INTS6L: variants seen among roughly 807,000 people sequenced by gnomAD.
INTS6L encodes integrator complex subunit 6-like.
In INTS6L, 18 loss-of-function variants were observed where a neutral mutation model predicts 64.7. The ratio of observed to expected loss-of-function variants is 0.28; its 90% CI spans 0.19 to 0.41. INTS6L has a LOEUF of 0.41. INTS6L is among the 10% of genes least tolerant of loss of function. The pLI, the probability that INTS6L is intolerant of heterozygous loss-of-function variation, is 1.00. For synonymous variants in INTS6L, 227 were observed against 235.9 expected (o/e 0.96, Z 0.34); for missense variants, 533 against 661.0 (o/e 0.81, Z 2.12).
At chrX:135,572,576 G>C in intron 11 of INTS6L, 2 of 296,185 alleles carry the variant, frequency 6.8e-6, no homozygotes, top group East Asian at 5.5e-5. Context: ...TTCTCTCCAT[G>C]ATTTTATTAT....
At chrX:135,539,787 G>A (rs2086155742) in intron 2 of INTS6L, among the ~76,000 whole-genome samples, 2 of 111,598 alleles carry the variant, frequency 1.8e-5, no homozygotes, top group African/African-American at 6.5e-5. Flanking sequence ...TCAAGGAATA[G>A]GGAGGCCTGA....
intron 2 of INTS6L, among the ~76,000 whole-genome samples, chrX:135,542,381 C>T: frequency 9.1e-6 from 1 of 109,834 alleles, no homozygotes; most frequent in Non-Finnish European, 1.9e-5. Flanking sequence ...GCTTGTAGTC[C>T]CAGCTACTCA....
At chrX:135,558,516 G>C (rs1329458552) in intron 9 of INTS6L, among the ~76,000 whole-genome samples, 1 of 111,907 alleles carries the variant, frequency 8.9e-6, no homozygotes, top group Non-Finnish European at 1.9e-5. Flanking sequence ...CTTATGCTAA[G>C]TGAAATAAGC....
At chrX:135,550,188 T>C (rs1226155995) in intron 7 of INTS6L, among the ~76,000 whole-genome samples, 1 of 112,519 alleles carries the variant, frequency 8.9e-6, no homozygotes, top group Non-Finnish European at 1.9e-5. Context: ...TCAGGAAGTT[T>C]GAACATAGTT....
At chrX:135,573,675 A>G (rs367900995) in intron 12 of INTS6L, among the ~76,000 whole-genome samples, 1 of 112,494 alleles carries the variant, frequency 8.9e-6, no homozygotes, top group South Asian at 3.7e-4. Flanking sequence ...GTGGTCCTGC[A>G]AGGCGGCCAC....
chrX:135,539,722 G>A (rs1240956168), intron 2 of INTS6L, among the ~76,000 whole-genome samples: 4 of 111,790 alleles, frequency 3.6e-5, no homozygotes, highest in East Asian at 5.6e-4. Flanking sequence ...TCACTTGAAC[G>A]CTTAAGAGTC....
At chrX:135,533,465 A>G (rs185994486) in intron 2 of INTS6L, among the ~76,000 whole-genome samples, 302 of 111,786 alleles carry the variant, frequency 2.7e-3, no homozygotes, top group Non-Finnish European at 4.2e-3. Context: ...AACATGTGCC[A>G]TGGTGGTTTG....
intron 7 of INTS6L, among the ~76,000 whole-genome samples, chrX:135,550,333 A>T (rs970400359): frequency 1.8e-5 from 2 of 112,037 alleles, no homozygotes; most frequent in African/African-American, 6.5e-5. Context: ...AGCAATATTT[A>T]AAAAATAATC....
chrX:135,549,286 T>C (rs368114653), intron 6 of INTS6L, among the ~76,000 whole-genome samples: 2 of 112,618 alleles, frequency 1.8e-5, no homozygotes, highest in East Asian at 2.8e-4. Flanking sequence ...CCTAATTTAG[T>C]AATTGAATTC....
chrX:135,555,514 T>G (rs1217253983), intron 8 of INTS6L, among the ~76,000 whole-genome samples: 2 of 112,266 alleles, frequency 1.8e-5, no homozygotes, highest in Admixed American at 9.4e-5. Flanking sequence ...GAGAAGTTAA[T>G]TTGTTTTAGT....
intron 2 of INTS6L, among the ~76,000 whole-genome samples, chrX:135,523,243 A>C (rs2085637678): frequency 1.9e-5 from 2 of 107,094 alleles, no homozygotes; most frequent in South Asian, 4.0e-4. Context: ...AAAACAAAAC[A>C]AAAAAAAAAA....
At chrX:135,549,921 T>G (rs1158656122) in intron 7 of INTS6L, 116 bp downstream of exon 7, 1 of 817,654 alleles carries the variant, frequency 1.2e-6, no homozygotes, top group Non-Finnish European at 1.8e-6. Flanking sequence ...CAAGTAAGTC[T>G]TCCCTCCTTT....
At position 135,552,034 on chromosome X, in the gene INTS6L, T is replaced by C. The variant is rs1556517205; in HGVS notation, c.947T>C (p.Val316Ala). Reference sequence around the variant, plus strand: ...CATCCTGTTGTGAGGTTCTCCTGTGTAGATTGTGAGCCAATGGTAATAGAC... The same window carrying C: ...CATCCTGTTGTGAGGTTCTCCTGTGCAGATTGTGAGCCAATGGTAATAGAC... Reference protein sequence around the residue: ...TSHPVVRFSCVDCEPMVIDKL... With the variant: ...TSHPVVRFSCADCEPMVIDKL... Residue 316 changes from valine (V) to alanine (A), a missense_variant, in exon 8 of 18, where the codon GTA becomes GCA. By Grantham distance (64) the Val-to-Ala change is moderately conservative. Transcript: ENST00000639893. 2 of 1,207,340 alleles carry C rather than the reference T, an allele frequency of 1.7e-6. No individual in the cohort carries two copies. The highest frequency in any genetic ancestry group is 3.6e-5 in the South Asian group (2 of 55,841).
At chrX:135,523,402 CAAAAAAAAA>C (rs782434658) in intron 2 of INTS6L, among the ~76,000 whole-genome samples, 4 of 36,977 alleles carry the variant, frequency 1.1e-4, no homozygotes, top group African/African-American at 3.6e-4. Flanking sequence ...ACTCTGTCGT[CAAAAAAAAA>C]AAAAAAAAAA....
intron 8 of INTS6L, among the ~76,000 whole-genome samples, chrX:135,553,016 C>T (rs2086543493): frequency 8.9e-6 from 1 of 111,946 alleles, no homozygotes; most frequent in Non-Finnish European, 1.9e-5. Flanking sequence ...CTTAAATTCT[C>T]CCAAGATGCT....
Position 135,520,965 on chromosome X carries a change from G to A in INTS6L, c.-28G>A, listed in dbSNP as rs1556495912. On this transcript the variant is annotated 5_prime_UTR_variant, in exon 1 of 18. Coordinates refer to ENST00000639893, the MANE Select transcript of INTS6L (RefSeq NM_001351601.3). ...TGAGGGCAAGAGGGCCGGGAGAGTG[G>A]GGAGCGGAGGCAGGAGTGCGGGGGA... 8.4e-7 allele frequency: 1 copy of A among 1,195,966 alleles called. No homozygotes were observed. The highest frequency in any genetic ancestry group is 1.1e-6 in the Non-Finnish European group (1 of 883,249).
In INTS6L at chrX:135,556,075, C is replaced by T. The variant is rs782146325; in HGVS notation, c.1060-93C>T. The T allele has an allele frequency of 2.1e-5, 18 of 871,564 alleles. No homozygotes were observed. The South Asian group carries it at 2.2e-4, about 11-fold the overall frequency. The allele number at this position is 871,564 out of a possible 1,213,427, so 71.8% of individuals were successfully genotyped here. A position where few individuals can be genotyped will look rare whatever the true frequency, so the allele number is the denominator to read the frequency against. ...CTATTTTAAAATTACAATCAAATTG[C>T]GCCATAGATGCTGCTATGGAATGTT... On this transcript the variant is annotated intron_variant, in intron 8 of 17. Transcript: ENST00000639893.
intron 2 of INTS6L, among the ~76,000 whole-genome samples, chrX:135,538,846 C>T (rs1262935458): frequency 5.3e-5 from 6 of 112,288 alleles, no homozygotes; most frequent in African/African-American, 1.9e-4. Flanking sequence ...TGGCCAGGTG[C>T]ATTGTCGATG....
At chrX:135,576,092 C>T (rs1388966188) in intron 14 of INTS6L, among the ~76,000 whole-genome samples, 3 of 111,067 alleles carry the variant, frequency 2.7e-5, no homozygotes, top group Non-Finnish European at 5.7e-5. Context: ...ACTGGGAGGC[C>T]GAGGCAGGCA....
Sources: gnomAD v4.1 joint callset for allele counts (sites outside exome capture counted in the v4.1 genomes callset) on GRCh38, gnomAD v4.1.1 for gene constraint, MANE v1.5 for transcripts, NCBI Gene and HGNC (gene_info 2026-07-23, HGNC 2026-07-21) for gene names.